Variants in DMD observed in about 807,000 individuals in gnomAD.
The protein encoded by DMD is dystrophin, also known as mutant dystrophin.
In DMD, 63 loss-of-function variants were observed where a neutral mutation model predicts 330.1. That is an observed-to-expected ratio of 0.19 (90% confidence interval 0.16 to 0.24). DMD has a LOEUF of 0.24. DMD is among the 10% of genes least tolerant of loss of function. The pLI is 1.00. For missense variants in DMD, 3,344 were observed against 2,684.1 expected (o/e 1.25, Z -5.43); for synonymous variants, 1,223 against 959.8 (o/e 1.27, Z -5.07).
intron 43 of DMD, among the ~76,000 whole-genome samples, chrX:32,221,335 C>A (rs991939992): frequency 4.5e-5 from 3 of 66,245 alleles, no homozygotes; most frequent in African/African-American, 1.3e-4. Flanking sequence ...GTCTCATGGT[C>A]CAAACTGTAT....
chrX:32,437,463 A>AC (rs58856831), intron 29 of DMD, among the ~76,000 whole-genome samples: 2 of 109,024 alleles, frequency 1.8e-5, no homozygotes, highest in East Asian at 2.9e-4. Flanking sequence ...CCTAGTTACT[A>AC]CCCCCCCTTA....
At chrX:32,574,956 G>A (rs1380936691) in intron 13 of DMD, among the ~76,000 whole-genome samples, 1 of 108,412 alleles carries the variant, frequency 9.2e-6, no homozygotes, top group East Asian at 2.9e-4. Flanking sequence ...GGAGTGCAAT[G>A]GCACTATCTC....
At chrX:32,870,746 C>A (rs77612911) in intron 2 of DMD, among the ~76,000 whole-genome samples, 1 of 110,168 alleles carries the variant, frequency 9.1e-6, no homozygotes, top group Admixed American at 9.7e-5. Flanking sequence ...AACTGGACAC[C>A]TTCCTTACAC....
intron 1 of DMD, among the ~76,000 whole-genome samples, chrX:33,162,058 T>C (rs991095376): frequency 2.7e-5 from 3 of 111,568 alleles, no homozygotes; most frequent in Non-Finnish European, 3.8e-5. Context: ...GTAGTGTGAC[T>C]AAGACACTGT....
chrX:33,203,218 T>C (rs746492513), intron 1 of DMD, among the ~76,000 whole-genome samples: 2 of 112,120 alleles, frequency 1.8e-5, no homozygotes, highest in East Asian at 5.6e-4. Context: ...ACTTACCTTG[T>C]CATAACTATG....
chrX:33,123,827 G>A (rs1340372603), intron 1 of DMD, among the ~76,000 whole-genome samples: 8 of 107,331 alleles, frequency 7.5e-5, no homozygotes, highest in African/African-American at 2.0e-4. Flanking sequence ...AGAATAAAAT[G>A]TCATATTTAT....
intron 30 of DMD, among the ~76,000 whole-genome samples, chrX:32,391,254 C>T (rs963634287): frequency 7.2e-5 from 8 of 111,382 alleles, no homozygotes; most frequent in African/African-American, 2.6e-4. Flanking sequence ...GTGCCCATAA[C>T]ATTATCATGC....
intron 2 of DMD, among the ~76,000 whole-genome samples, chrX:32,920,522 C>G (rs992175963): frequency 1.3e-4 from 14 of 111,945 alleles, no homozygotes; most frequent in African/African-American, 3.9e-4. Context: ...TCTCATCCTC[C>G]ATCTGTCCCT....
chrX:31,334,614 G>A (rs920289737), intron 61 of DMD, among the ~76,000 whole-genome samples: 7 of 111,585 alleles, frequency 6.3e-5, no homozygotes, highest in Non-Finnish European at 1.3e-4. Context: ...CAGGTGACTC[G>A]TTTTTGTTAA....
At chrX:31,554,377 G>A (rs950136701) in intron 55 of DMD, among the ~76,000 whole-genome samples, 2 of 111,424 alleles carry the variant, frequency 1.8e-5, no homozygotes, top group Non-Finnish European at 3.8e-5. Context: ...GATCATTAGC[G>A]TCATTTCCTT....
rs751592842 is a variant in DMD, at chrX:32,840,683, T to TA, written c.264+4099dup. Among the ~76,000 whole-genome samples, 8 of 112,101 alleles carry TA rather than the reference T, an allele frequency of 7.1e-5. No individual in the cohort carries two copies. The South Asian group carries it at 3.0e-3, about 41-fold the overall frequency. ...TTTGAAATTTAATTGAAAGAAATCA[T>TA]AGTAGGTATAATTTGTCTGATTTAT... On this transcript the variant is annotated intron_variant, in intron 4 of 78. Transcript: ENST00000357033.
chrX:31,228,076 G>A (rs2046806989), intron 63 of DMD, among the ~76,000 whole-genome samples: 2 of 97,394 alleles, frequency 2.1e-5, no homozygotes, highest in African/African-American at 7.7e-5. Flanking sequence ...ATGGACACAG[G>A]AAGGGGAATA....
chrX:31,597,192 A>C (rs2077149662), intron 55 of DMD, among the ~76,000 whole-genome samples: 1 of 112,086 alleles, frequency 8.9e-6, no homozygotes, highest in Non-Finnish European at 1.9e-5. Flanking sequence ...AATCTAGTGA[A>C]GTATACCCAA....
At chrX:32,290,045 C>A (rs761770277) in intron 42 of DMD, among the ~76,000 whole-genome samples, 35 of 112,039 alleles carry the variant, frequency 3.1e-4, no homozygotes, top group Non-Finnish European at 6.4e-4. Flanking sequence ...CCAAGCTCAT[C>A]TCTTCCCAGT....
chrX:32,213,870 A>G (rs1253349293), intron 44 of DMD, among the ~76,000 whole-genome samples: 2 of 110,178 alleles, frequency 1.8e-5, no homozygotes, highest in Non-Finnish European at 3.8e-5. Flanking sequence ...GCTACTCGGG[A>G]GGCTAAGGCA....
At chrX:32,821,218 GGCT>G (rs2078215879) in intron 5 of DMD, among the ~76,000 whole-genome samples, 1 of 111,507 alleles carries the variant, frequency 9.0e-6, no homozygotes, top group East Asian at 2.9e-4. Flanking sequence ...AGAGCAACAT[GGCT>G]GCTGAATTTA....
At chrX:32,949,326 A>ATAGG (rs1246963206) in intron 2 of DMD, among the ~76,000 whole-genome samples, 63 of 97,022 alleles carry the variant, frequency 6.5e-4, no homozygotes, top group East Asian at 1.6e-3. Context: ...GATAGATTAG[A>ATAGG]TAGGTAGGTA....
chrX:32,797,992 C>T (rs1751253751), intron 7 of DMD, among the ~76,000 whole-genome samples: 1 of 111,588 alleles, frequency 9.0e-6, no homozygotes, highest in Non-Finnish European at 1.9e-5. Flanking sequence ...GTAAGAAACT[C>T]TTACTTAACT....
At chrX:32,696,246 T>G (rs1400904677) in intron 9 of DMD, among the ~76,000 whole-genome samples, 1 of 111,781 alleles carries the variant, frequency 8.9e-6, no homozygotes, top group Non-Finnish European at 1.9e-5. Context: ...CTCAGTCCTT[T>G]TGACACTTTT....
Sources: allele counts gnomAD v4.1 joint callset (sites outside exome capture counted in the v4.1 genomes callset), GRCh38; gene constraint gnomAD v4.1.1; transcripts MANE v1.5; gene names NCBI Gene and HGNC (gene_info 2026-07-23, HGNC 2026-07-21).